SPRYD3: variants seen among roughly 807,000 people sequenced by gnomAD.
SPRYD3 encodes SPRY domain containing 3.
In SPRYD3, 17 loss-of-function variants were observed where a neutral mutation model predicts 50.1. The observed-to-expected ratio is 0.34, with a 90% CI of 0.23 to 0.51. The LOEUF (loss-of-function observed/expected upper bound fraction) is 0.51. Ranked by LOEUF, SPRYD3 falls within the 20% of genes least tolerant of loss-of-function variation. The pLI is 0.97. For missense variants in SPRYD3, 401 were observed against 591.2 expected (o/e 0.68, Z 3.34); for synonymous variants, 198 against 215.5 (o/e 0.92, Z 0.71).
At chr12:53,076,107 C>A (rs999196799) in intron 2 of SPRYD3, among the ~76,000 whole-genome samples, 1 of 152,204 alleles carries the variant, frequency 6.6e-6, no homozygotes, top group African/African-American at 2.4e-5. Context: ...GGTCTCACAA[C>A]CCTGTGTAAC....
chr12:53,068,099 A>G, intron 7 of SPRYD3, 56 bp downstream of exon 7: 1 of 1,602,674 alleles, frequency 6.2e-7, no homozygotes, highest in Non-Finnish European at 8.5e-7. Flanking sequence ...GTGCTGCCCC[A>G]ACAGCCCCAG....
chr12:53,073,859 A>G (rs1036735430), intron 5 of SPRYD3, among the ~76,000 whole-genome samples: 16 of 151,882 alleles, frequency 1.1e-4, no homozygotes, highest in Non-Finnish European at 1.9e-4. Context: ...AAAAAAAAAA[A>G]AGATGATGCA....
Position 53,067,692 on chromosome 12 carries a change from T to C in SPRYD3, c.857A>G (p.Asn286Ser). 6.2e-7 allele frequency: 1 copy of C among 1,614,028 alleles called. No individual in the cohort carries two copies. The highest frequency in any genetic ancestry group is 8.5e-7 in the Non-Finnish European group (1 of 1,179,940). Residue 286 changes from asparagine (N) to serine (S), a missense_variant, in exon 8 of 11, where the codon AAC (asparagine) becomes AGC (serine). Physicochemically the swap from Asn to Ser is conservative, Grantham distance 46. Transcript: ENST00000301463. ...LGLARKDYPK[N>S]RHPGWSRGSV... ...CCCTCTGCTCCAGCCAGGGTGCCTG[T>C]TCTTGGGATAGTCCTGCACCAAGAA... is the stretch of plus-strand genomic sequence containing the variant.
Position 53,065,945 on chromosome 12 carries a change from T to C in SPRYD3, c.1216A>G (p.Lys406Glu). Residue 406 changes from lysine to glutamate, a missense_variant, in exon 11 of 11, where the codon AAG (lysine) becomes GAG (glutamate). Physicochemically the swap from Lys to Glu is moderately conservative, Grantham distance 56. Coordinates refer to ENST00000301463, the MANE Select transcript of SPRYD3 (RefSeq NM_032840.3). ...ACAGCATCCTTCTTCCCAATGATCTTGCCATTCCGAGTGAAGAAAACCTGG... is the reference window on the plus strand; with the variant it reads ...ACAGCATCCTTCTTCCCAATGATCTCGCCATTCCGAGTGAAGAAAACCTGG... ...KVVVFFTRNG[K>E]IIGKKDAVVP... 6.2e-7 allele frequency: 1 copy of C among 1,613,462 alleles called. No homozygotes were observed. The highest frequency in any genetic ancestry group is 2.2e-5 in the East Asian group (1 of 44,860).
chr12:53,066,372 T>C lies in SPRYD3; in HGVS notation c.1136A>G (p.Glu379Gly). The C allele has an allele frequency of 6.2e-7, 1 of 1,613,900 alleles. No individual in the cohort carries two copies. Among genetic ancestry groups the C allele is most frequent in the East Asian group, 2.2e-5 (1 of 44,884 alleles). ...HQEGEEEEEE[E>G]EEEEDGEEIE... The stretch of plus-strand genomic sequence containing the variant: ...CTCTTCCCCATCCTCTTCCTCTTCC[T>C]CTTCCTCCTCTTCCTCTTCCCCTTC... Residue 379 changes from glutamate (E) to glycine (G), a missense_variant, in exon 10 of 11, where the codon GAG (glutamate) becomes GGG (glycine). Glu to Gly is a moderately conservative substitution (Grantham distance 98). Coordinates refer to ENST00000301463, the MANE Select transcript of SPRYD3 (RefSeq NM_032840.3).
chr12:53,068,397 G>T, intron 6 of SPRYD3, 93 bp from the exon 7 acceptor site: 3 of 1,459,148 alleles, frequency 2.1e-6, no homozygotes, highest in Non-Finnish European at 1.9e-6. Context: ...ACTTTCCCAG[G>T]TCTGACAAAA....
intron 5 of SPRYD3, 138 bp from the exon 6 acceptor site, chr12:53,073,609 C>T (rs1321647294): frequency 5.1e-6 from 3 of 584,492 alleles, no homozygotes; most frequent in Admixed American, 3.3e-5. Flanking sequence ...CTTTGGGAGG[C>T]CGAGGTGGGC....
At chr12:53,076,057 G>A (rs909695786) in intron 2 of SPRYD3, among the ~76,000 whole-genome samples, 4 of 152,194 alleles carry the variant, frequency 2.6e-5, no homozygotes, top group Admixed American at 6.5e-5. Context: ...TCATTTCCAG[G>A]AGGAAAAGAA....
rs551157622 is a variant in SPRYD3 at position 53,074,520 on chromosome 12, C to T, written c.507+129G>A. ...GACTTCAGGAGAATCTGAGGCTGGA[C>T]TGGAGGAGATGGGAACTCAGTGCAA... On this transcript the variant is annotated intron_variant, in intron 5 of 10. Transcript: ENST00000301463. This position sits in a 1 kb window ranked among gnomAD's most constrained non-coding sequence, Gnocchi z 4.6. The T allele has an allele frequency of 2.3e-4, 251 of 1,106,756 alleles. No individual in the cohort carries two copies. Among genetic ancestry groups the T allele is most frequent in the Non-Finnish European group, 2.8e-5 (21 of 743,558 alleles). 68.6% of individuals were successfully genotyped at this position (1,106,756 alleles called of 1,614,324 possible).
At chr12:53,073,737 G>C (rs375649555) in intron 5 of SPRYD3, among the ~76,000 whole-genome samples, 58 of 151,770 alleles carry the variant, frequency 3.8e-4, no homozygotes, top group Non-Finnish European at 6.6e-4. Context: ...CCAGCTACTC[G>C]GGAGGCTGAG....
Position 53,075,771 on chromosome 12 carries a change from A to C in SPRYD3, c.211T>G (p.Ser71Ala). The C allele has an allele frequency of 6.2e-7, 1 of 1,614,134 alleles. No homozygotes were observed. The highest frequency in any genetic ancestry group is 8.5e-7 in the Non-Finnish European group (1 of 1,180,016). Reference protein sequence around the residue: ...NSGEVGCYVASRPLTKDSNYF... With the variant: ...NSGEVGCYVAARPLTKDSNYF... ...TTGCTGTCCTTGGTCAGGGGTCGAGAAGCCACGTAGCAGCCAACTTCACCA... is the reference window on the plus strand; with the variant it reads ...TTGCTGTCCTTGGTCAGGGGTCGAGCAGCCACGTAGCAGCCAACTTCACCA... The change falls in exon 3 of 11, where the codon TCT becomes GCT. Residue 71 changes from serine (S) to alanine (A), a missense_variant. Ser to Ala is a moderately conservative substitution (Grantham distance 99). Coordinates refer to ENST00000301463, the MANE Select transcript of SPRYD3 (RefSeq NM_032840.3).
At chr12:53,073,219 G>T in intron 6 of SPRYD3, 67 bp downstream of exon 6, 2 of 1,030,130 alleles carry the variant, frequency 1.9e-6, no homozygotes, top group Non-Finnish European at 2.9e-6. Context: ...ACATGACCAT[G>T]TGCCCACAGG....
At chr12:53,071,698 T>TG (rs1379254355) in intron 6 of SPRYD3, among the ~76,000 whole-genome samples, 1 of 141,440 alleles carries the variant, frequency 7.1e-6, no homozygotes, top group African/African-American at 2.7e-5. Flanking sequence ...CACTCCAGTC[T>TG]GGGTGACAGA....
In SPRYD3 at chr12:53,065,500, C is replaced by A. The variant is rs1022925695; in HGVS notation, c.*332G>T. On this transcript the variant is annotated 3_prime_UTR_variant, in exon 11 of 11. Coordinates refer to ENST00000301463, the MANE Select transcript of SPRYD3 (RefSeq NM_032840.3). ...CGAATAGCAGCTGAGATAGGGTGCT[C>A]ACGCCTCTCCACCCACACAGGGCCG... is the stretch of plus-strand genomic sequence containing the variant. 8 of 284,792 alleles carry A rather than the reference C, an allele frequency of 2.8e-5. No individual in the cohort carries two copies. The highest frequency in any genetic ancestry group is 1.3e-4 in the African/African-American group (6 of 46,880). The allele number at this position is 284,792 out of a possible 1,614,324, so 17.6% of individuals were successfully genotyped here.
chr12:53,073,256 G>GGCCCCGGGGGGGGGGGGCCC, intron 6 of SPRYD3, 30 bp downstream of exon 6: 1 of 424,132 alleles, frequency 2.4e-6, no homozygotes, highest in Non-Finnish European at 4.4e-6. Flanking sequence ...CTCCGACCCA[G>GGCCCCGGGGGGGGGGGGCCC]CCCCTCCCAC....
chr12:53,073,503 C>G, intron 5 of SPRYD3, 32 bp from the exon 6 acceptor site: 1 of 1,495,312 alleles, frequency 6.7e-7, no homozygotes, highest in South Asian at 1.2e-5. Context: ...AGCTGCCACC[C>G]GGCCTGCTTT....
chr12:53,077,692 C>T (rs1360201188), intron 1 of SPRYD3, among the ~76,000 whole-genome samples: 2 of 152,088 alleles, frequency 1.3e-5, no homozygotes, highest in Non-Finnish European at 1.5e-5. Flanking sequence ...GGAAGGGCAG[C>T]CACAGGTCCT....
In SPRYD3 at chr12:53,077,243, C is replaced by T; in HGVS notation, c.42G>A (p.Lys14=). Residue 14 remains lysine, a synonymous_variant, in exon 2 of 11, where the codon AAG becomes AAA. Coordinates refer to ENST00000301463, the MANE Select transcript of SPRYD3 (RefSeq NM_032840.3). The part of the protein sequence containing the change: ...TRRPRFVLMN[K]MDDLNLHYRF... ...GGTAGTGCAGGTTGAGGTCATCCAT[C>T]TTGTTCATGAGAACAAACCTGCCAA... The T allele has an allele frequency of 1.2e-6, 2 of 1,614,232 alleles. No homozygotes were observed. Among genetic ancestry groups the T allele is most frequent in the Non-Finnish European group, 1.7e-6 (2 of 1,180,038 alleles).
chr12:53,068,165 A>G lies in SPRYD3; in HGVS notation c.833T>C (p.Leu278Pro), dbSNP rs1466058373. ...AGCCTTTGTGCCCACCTTCCGTGCCAGCCCCAGGGCGATGTAGCATTTCTC... is the reference window on the plus strand; with the variant it reads ...AGCCTTTGTGCCCACCTTCCGTGCCGGCCCCAGGGCGATGTAGCATTTCTC... ...PGEKCYIALG[L>P]ARKDYPKNRH... The change falls in exon 7 of 11, where the codon CTG becomes CCG. Residue 278 changes from leucine to proline, a missense_variant. Coordinates refer to ENST00000301463, the MANE Select transcript of SPRYD3 (RefSeq NM_032840.3). 1 of 1,614,244 alleles carries G rather than the reference A, an allele frequency of 6.2e-7. No homozygotes were observed. The highest frequency in any genetic ancestry group is 8.5e-7 in the Non-Finnish European group (1 of 1,180,030).
Sources: allele counts gnomAD v4.1 joint callset (sites outside exome capture counted in the v4.1 genomes callset), GRCh38; gene constraint gnomAD v4.1.1; non-coding constraint Gnocchi (gnomAD v3.1); transcripts MANE v1.5; gene names NCBI Gene and HGNC (gene_info 2026-07-23, HGNC 2026-07-21).